Variants in CNTFR observed in about 807,000 individuals in gnomAD.
The protein encoded by CNTFR is ciliary neurotrophic factor receptor, also known as ciliary neurotrophic factor receptor subunit alpha.
In CNTFR, 12 loss-of-function variants were observed where a neutral mutation model predicts 40.4. That is an observed-to-expected ratio of 0.30 (90% CI 0.19 to 0.48). The LOEUF is 0.48. Ranked by LOEUF, CNTFR falls within the 20% of genes least tolerant of loss-of-function variation. The pLI, the probability that CNTFR is intolerant of heterozygous loss-of-function variation, is 0.99. For synonymous variants in CNTFR, 202 were observed against 209.6 expected, an observed-to-expected ratio of 0.96 and a Z score of 0.31; for missense variants, 414 against 506.8, an observed-to-expected ratio of 0.82 and a Z score of 1.76.
chr9:34,553,477 C>T (rs560801339), intron 7 of CNTFR, among the ~76,000 whole-genome samples: 19 of 152,342 alleles, frequency 1.2e-4, no homozygotes, highest in East Asian at 3.9e-4. Context: ...GCATCAAACA[C>T]ACTTCAGCTA....
chr9:34,587,602 C>T (rs1268029811), intron 1 of CNTFR, among the ~76,000 whole-genome samples: 1 of 152,078 alleles, frequency 6.6e-6, no homozygotes, highest in Non-Finnish European at 1.5e-5. Context: ...TCAATGTGAT[C>T]CCCAGCTTGG....
At chr9:34,586,278 T>A (rs1314393395) in intron 1 of CNTFR, among the ~76,000 whole-genome samples, 1 of 152,102 alleles carries the variant, frequency 6.6e-6, no homozygotes, top group Non-Finnish European at 1.5e-5. Context: ...GGATAAGGGC[T>A]CAACAGGCAA....
intron 3 of CNTFR, among the ~76,000 whole-genome samples, chr9:34,566,696 C>A (rs1826312133): frequency 6.6e-6 from 1 of 152,166 alleles, no homozygotes; most frequent in South Asian, 2.1e-4. Flanking sequence ...ATGGTCCCAG[C>A]AGCAACACAT....
chr9:34,562,564 G>A (rs1826116406), intron 4 of CNTFR, among the ~76,000 whole-genome samples: 1 of 152,158 alleles, frequency 6.6e-6, no homozygotes, highest in Admixed American at 6.5e-5. Context: ...TTTACACAGT[G>A]TTCTACACCA....
chr9:34,585,867 A>T (rs899918934), intron 1 of CNTFR, among the ~76,000 whole-genome samples: 2 of 152,016 alleles, frequency 1.3e-5, no homozygotes, highest in African/African-American at 4.8e-5. Flanking sequence ...GGTCCCCCCT[A>T]ACCCATCTGC....
chr9:34,580,751 A>G (rs962867551), intron 2 of CNTFR, among the ~76,000 whole-genome samples: 2 of 152,110 alleles, frequency 1.3e-5, no homozygotes, highest in Non-Finnish European at 2.9e-5. Context: ...TGCTCCTCCA[A>G]TCAAATAAGA....
chr9:34,588,600 G>C (rs1483453313), intron 1 of CNTFR, among the ~76,000 whole-genome samples: 1 of 152,172 alleles, frequency 6.6e-6, no homozygotes, highest in Non-Finnish European at 1.5e-5. Flanking sequence ...GACACACACA[G>C]ACGCTTCTCA....
chr9:34,570,291 G>A (rs745502430), intron 2 of CNTFR, among the ~76,000 whole-genome samples: 5 of 152,060 alleles, frequency 3.3e-5, no homozygotes, highest in Non-Finnish European at 7.3e-5. Context: ...AAAGAGACAG[G>A]TAGATGAAAC....
chr9:34,572,831 AATG>A (rs1365365445), intron 2 of CNTFR, among the ~76,000 whole-genome samples: 1 of 152,222 alleles, frequency 6.6e-6, no homozygotes, highest in South Asian at 2.1e-4. Flanking sequence ...CAAACGGGGC[AATG>A]ATACCAGTTG....
At chr9:34,566,263 C>G (rs771227357) in intron 3 of CNTFR, among the ~76,000 whole-genome samples, 2 of 152,148 alleles carry the variant, frequency 1.3e-5, no homozygotes, top group African/African-American at 2.4e-5. Flanking sequence ...GACTCCGGGT[C>G]TCTCTCCCTC....
At chr9:34,560,246 G>GT (rs1469109330) in intron 4 of CNTFR, among the ~76,000 whole-genome samples, 1 of 152,228 alleles carries the variant, frequency 6.6e-6, no homozygotes, top group Non-Finnish European at 1.5e-5. Flanking sequence ...TGAGTGTGTT[G>GT]TGAGTTGGAG....
chr9:34,583,967 T>G (rs1366156510), intron 1 of CNTFR, among the ~76,000 whole-genome samples: 1 of 152,260 alleles, frequency 6.6e-6, no homozygotes, highest in African/African-American at 2.4e-5. Flanking sequence ...CGCAAAGACC[T>G]GGGATTTAGA....
At chr9:34,571,716 G>A (rs1826667576) in intron 2 of CNTFR, among the ~76,000 whole-genome samples, 1 of 152,134 alleles carries the variant, frequency 6.6e-6, no homozygotes, top group Non-Finnish European at 1.5e-5. Flanking sequence ...GCTGCTGAGA[G>A]TGAGTGCTGC....
intron 7 of CNTFR, among the ~76,000 whole-genome samples, chr9:34,554,827 A>C (rs1452237844): frequency 6.6e-6 from 1 of 152,222 alleles, no homozygotes; most frequent in Admixed American, 6.5e-5. Context: ...CTCTGTTCAC[A>C]GCAAAACTTC....
intron 2 of CNTFR, among the ~76,000 whole-genome samples, chr9:34,579,042 C>T (rs1313340951): frequency 6.6e-6 from 1 of 152,188 alleles, no homozygotes; most frequent in Admixed American, 6.5e-5. Flanking sequence ...GGTGTGCACA[C>T]CCGTACACAT....
At chr9:34,563,982 C>G (rs1285899696) in intron 4 of CNTFR, among the ~76,000 whole-genome samples, 2 of 152,220 alleles carry the variant, frequency 1.3e-5, no homozygotes, top group African/African-American at 4.8e-5. Flanking sequence ...AGCTCCCTCT[C>G]CACATCAACA....
At chr9:34,584,409 G>A (rs1418258013) in intron 1 of CNTFR, among the ~76,000 whole-genome samples, 1 of 152,210 alleles carries the variant, frequency 6.6e-6, no homozygotes, top group African/African-American at 2.4e-5. Flanking sequence ...TTGGATGTGT[G>A]TTTCTTCCTC....
intron 4 of CNTFR, among the ~76,000 whole-genome samples, chr9:34,559,100 G>A (rs146178061): frequency 0.016 from 2,419 of 152,046 alleles, 37 homozygotes; most frequent in Middle Eastern, 0.048. Flanking sequence ...CCCCTCCCCC[G>A]CCCCCGGCCT....
At chr9:34,569,019 C>T (rs772041907) in intron 2 of CNTFR, 38 bp from the exon 3 acceptor site, 29 of 1,528,608 alleles carry the variant, frequency 1.9e-5, no homozygotes, top group Non-Finnish European at 2.5e-5. Flanking sequence ...GGGTCAGCAT[C>T]AGCCCAGGCA....
Sources: gnomAD v4.1 joint callset for allele counts (sites outside exome capture counted in the v4.1 genomes callset) on GRCh38, gnomAD v4.1.1 for gene constraint, MANE v1.5 for transcripts, NCBI Gene and HGNC (gene_info 2026-07-23, HGNC 2026-07-21) for gene names.